AFG1L: variants seen among roughly 807,000 people sequenced by gnomAD.
The protein encoded by AFG1L is AFG1 like ATPase, also known as AFG1-like ATPase.
Under a neutral mutation model 62.2 loss-of-function variants are expected in AFG1L, and 53 were observed. The observed-to-expected ratio is 0.85, with a 90% confidence interval of 0.68 to 1.07. The LOEUF (loss-of-function observed/expected upper bound fraction) is 1.07. AFG1L is among the 50% of genes least tolerant of loss of function. The pLI, the probability that AFG1L is intolerant of heterozygous loss-of-function variation, is 0.00. For synonymous variants in AFG1L, 228 were observed against 210.3 expected, an observed-to-expected ratio of 1.08 and a Z score of -0.73; for missense variants, 555 against 590.5, an observed-to-expected ratio of 0.94 and a Z score of 0.62.
chr6:108,394,440 T>C (rs2114605479), intron 6 of AFG1L, among the ~76,000 whole-genome samples: 1 of 137,462 alleles, frequency 7.3e-6, no homozygotes, highest in East Asian at 2.0e-4. Flanking sequence ...TGAGCCACCA[T>C]GCCCGGCCTT....
At chr6:108,437,765 A>T (rs1486320051) in intron 7 of AFG1L, among the ~76,000 whole-genome samples, 2 of 152,118 alleles carry the variant, frequency 1.3e-5, no homozygotes, top group East Asian at 3.8e-4. Flanking sequence ...TTAATTTGAG[A>T]TGGGAGGGAG....
rs1781066445 is a variant in AFG1L, at chr6:108,391,746, A to C, written c.749-10250A>C. On this transcript the variant is annotated intron_variant, in intron 6 of 12. Coordinates refer to ENST00000368977, the MANE Select transcript of AFG1L (RefSeq NM_145315.5). ...GGGTTTTTTTGATGTTATCTTCTGGAATTTTTTGGATGAAACATTTTAAAA... is the reference window on the plus strand; with the variant it reads ...GGGTTTTTTTGATGTTATCTTCTGGCATTTTTTGGATGAAACATTTTAAAA... 1.3e-5 allele frequency among the ~76,000 whole-genome samples: 2 copies of C among 152,172 alleles called. 1 individual carries two copies. Among genetic ancestry groups the C allele is most frequent in the South Asian group, 4.1e-4 (2 of 4,826 alleles).
intron 10 of AFG1L, among the ~76,000 whole-genome samples, chr6:108,487,404 T>G (rs1562191003): frequency 6.6e-6 from 1 of 152,256 alleles, no homozygotes; most frequent in South Asian, 2.1e-4. Context: ...ACTATTTTGC[T>G]GAGTTGCCTT....
At chr6:108,466,987 G>C (rs1444307794) in intron 8 of AFG1L, among the ~76,000 whole-genome samples, 2 of 151,718 alleles carry the variant, frequency 1.3e-5, no homozygotes, top group Non-Finnish European at 2.9e-5. Context: ...ACATAATATT[G>C]AGTGAGAGAA....
chr6:108,493,691 G>A (rs901122553), intron 10 of AFG1L, among the ~76,000 whole-genome samples: 19 of 152,212 alleles, frequency 1.2e-4, no homozygotes, highest in African/African-American at 4.3e-4. Context: ...CAGGTGGTTA[G>A]TACAACCCAT....
chr6:108,407,995 GT>G (rs1211677016), intron 7 of AFG1L, among the ~76,000 whole-genome samples: 1 of 152,112 alleles, frequency 6.6e-6, no homozygotes, highest in Non-Finnish European at 1.5e-5. Context: ...TTCTTTGCAA[GT>G]CAAGTAAGTT....
chr6:108,510,047 A>G (rs1774582175), intron 10 of AFG1L, among the ~76,000 whole-genome samples, 165 bp from the exon 11 acceptor site: 1 of 152,218 alleles, frequency 6.6e-6, no homozygotes. Context: ...TCAGAAGTGC[A>G]CTGAAGTGCC....
chr6:108,379,856 A>G (rs530403884), intron 6 of AFG1L, among the ~76,000 whole-genome samples: 1 of 151,892 alleles, frequency 6.6e-6, no homozygotes, highest in East Asian at 1.9e-4. Flanking sequence ...TAGGCTGCTG[A>G]ACCAGATGAG....
intron 10 of AFG1L, among the ~76,000 whole-genome samples, chr6:108,508,045 T>C (rs1255073841): frequency 6.6e-6 from 1 of 152,222 alleles, no homozygotes; most frequent in Non-Finnish European, 1.5e-5. Context: ...CCCCAGGCAC[T>C]GTGCTAAACA....
At chr6:108,296,067 A>G (rs1435150778) in intron 1 of AFG1L, among the ~76,000 whole-genome samples, 1 of 152,228 alleles carries the variant, frequency 6.6e-6, no homozygotes, top group East Asian at 1.9e-4. Flanking sequence ...GATAGACCTT[A>G]ATAAGGTATA....
At chr6:108,479,868 G>A (rs1773262015) in intron 10 of AFG1L, among the ~76,000 whole-genome samples, 1 of 152,090 alleles carries the variant, frequency 6.6e-6, no homozygotes, top group Admixed American at 6.5e-5. Flanking sequence ...GACTTGCCCA[G>A]TCACCTGATA....
chr6:108,427,000 A>AAT (rs1394184727), intron 7 of AFG1L, among the ~76,000 whole-genome samples: 1 of 152,200 alleles, frequency 6.6e-6, no homozygotes, highest in Non-Finnish European at 1.5e-5. Context: ...TAATGAGGGT[A>AAT]ATATATATAC....
At chr6:108,518,971 T>C (rs977905721) in intron 11 of AFG1L, among the ~76,000 whole-genome samples, 1 of 152,230 alleles carries the variant, frequency 6.6e-6, no homozygotes, top group Non-Finnish European at 1.5e-5. Flanking sequence ...CAGCCAGGTA[T>C]AAATGTCAAC....
At chr6:108,349,359 C>CTA (rs1261214416) in intron 3 of AFG1L, among the ~76,000 whole-genome samples, 2 of 151,912 alleles carry the variant, frequency 1.3e-5, no homozygotes, top group Non-Finnish European at 2.9e-5. Flanking sequence ...TGGCATGTGC[C>CTA]TATAGTCCCA....
chr6:108,488,590 C>T (rs993491362), intron 10 of AFG1L, among the ~76,000 whole-genome samples: 5 of 151,886 alleles, frequency 3.3e-5, no homozygotes, highest in South Asian at 2.1e-4. Context: ...CAGTGGCTCA[C>T]GCCTGTAATC....
intron 8 of AFG1L, among the ~76,000 whole-genome samples, chr6:108,449,907 C>A (rs1410582668): frequency 6.6e-6 from 1 of 152,182 alleles, no homozygotes; most frequent in Non-Finnish European, 1.5e-5. Flanking sequence ...CAGCTTCATC[C>A]ATGTCCCTAC....
chr6:108,434,645 G>A (rs778333144), intron 7 of AFG1L, among the ~76,000 whole-genome samples: 2 of 152,076 alleles, frequency 1.3e-5, no homozygotes, highest in Non-Finnish European at 2.9e-5. Context: ...GCAGTGATCC[G>A]ATCCTGTCAC....
chr6:108,358,375 C>T (rs1390136022), intron 5 of AFG1L, among the ~76,000 whole-genome samples: 2 of 152,156 alleles, frequency 1.3e-5, no homozygotes, highest in African/African-American at 4.8e-5. Context: ...TTTTTACATC[C>T]TTATCTCATT....
intron 1 of AFG1L, among the ~76,000 whole-genome samples, chr6:108,309,892 A>G (rs1258085325): frequency 6.6e-6 from 1 of 152,200 alleles, no homozygotes; most frequent in Non-Finnish European, 1.5e-5. Context: ...ATTTTTACCC[A>G]GCTTGCAAGA....
Sources: allele counts gnomAD v4.1 joint callset (sites outside exome capture counted in the v4.1 genomes callset), GRCh38; gene constraint gnomAD v4.1.1; transcripts MANE v1.5; gene names NCBI Gene and HGNC (gene_info 2026-07-23, HGNC 2026-07-21).